CYFIP2: variants seen among roughly 807,000 people sequenced by gnomAD.
The protein encoded by CYFIP2 is cytoplasmic FMR1 interacting protein 2, also known as cytoplasmic FMR1-interacting protein 2.
Under a neutral mutation model 158.7 loss-of-function variants are expected in CYFIP2, and 29 were observed. That is an observed-to-expected ratio of 0.18 (90% CI 0.14 to 0.25). The LOEUF (loss-of-function observed/expected upper bound fraction) is 0.25. CYFIP2 is among the 10% of genes least tolerant of loss of function. CYFIP2 has a pLI of 1.00. For synonymous variants in CYFIP2, 585 were observed against 617.6 expected, an observed-to-expected ratio of 0.95 and a Z score of 0.78; for missense variants, 852 against 1,639.5, an observed-to-expected ratio of 0.52 and a Z score of 8.29.
At chr5:157,308,739 C>A (rs935271886) in intron 9 of CYFIP2, among the ~76,000 whole-genome samples, 1 of 152,134 alleles carries the variant, frequency 6.6e-6, no homozygotes, top group Non-Finnish European at 1.5e-5. Context: ...AAGGGTGGAA[C>A]TTTTACTTTT....
intron 15 of CYFIP2, chr5:157,323,123 C>A: frequency 1.9e-6 from 2 of 1,063,056 alleles, no homozygotes; most frequent in South Asian, 1.4e-5. Flanking sequence ...GATTCACAGA[C>A]AAATGATGTG....
At position 157,394,227 on chromosome 5, in the gene CYFIP2, C is replaced by T. The variant is rs1490459783; in HGVS notation, c.*1227C>T. ...TCTAGACTGAACCAAAAGTCTTCTG[C>T]AGAATCTCCCACCGAGTGTGGTAAG... On this transcript the variant is annotated 3_prime_UTR_variant, in exon 31 of 31. Transcript: ENST00000620254. 2.6e-5 allele frequency: 4 copies of T among 152,106 alleles called. No individual in the cohort carries two copies. The highest frequency in any genetic ancestry group is 9.7e-5 in the African/African-American group (4 of 41,402). 9.4% of individuals were successfully genotyped at this position (152,106 alleles called of 1,614,324 possible).
At chr5:157,274,050 G>C (rs753096671) in intron 1 of CYFIP2, among the ~76,000 whole-genome samples, 2 of 149,642 alleles carry the variant, frequency 1.3e-5, no homozygotes, top group African/African-American at 5.0e-5. Flanking sequence ...CAGGAGAATC[G>C]TTTGAACCCG....
chr5:157,334,231 G>A (rs922497014), intron 21 of CYFIP2, among the ~76,000 whole-genome samples: 1 of 152,198 alleles, frequency 6.6e-6, no homozygotes, highest in Admixed American at 6.5e-5. Flanking sequence ...CAAATTCATG[G>A]AGACATAGGG....
Position 157,311,191 on chromosome 5 carries a change from T to C in CYFIP2, c.993-473T>C. On this transcript the variant is annotated intron_variant, in intron 10 of 30. Transcript: ENST00000620254. The surrounding 1 kb of genome is among the most constrained non-coding windows in gnomAD (Gnocchi z 4.7). ...GTGTGCTTCCATGTTGCCAGGGCACTGTTGGAAAAGAGGCACAGTCACATT... is the reference window on the plus strand; with the variant it reads ...GTGTGCTTCCATGTTGCCAGGGCACCGTTGGAAAAGAGGCACAGTCACATT... The C allele has an allele frequency of 2.3e-6, 1 of 427,488 alleles. No individual in the cohort carries two copies. Among genetic ancestry groups the C allele is most frequent in the Admixed American group, 2.6e-5 (1 of 37,814 alleles). 26.5% of individuals were successfully genotyped at this position (427,488 alleles called of 1,614,324 possible). A position where few individuals can be genotyped will look rare whatever the true frequency, so the allele number is the denominator to read the frequency against.
At chr5:157,389,848 G>T (rs1767091720) in intron 29 of CYFIP2, among the ~76,000 whole-genome samples, 2 of 152,234 alleles carry the variant, frequency 1.3e-5, no homozygotes, top group Admixed American at 1.3e-4. Flanking sequence ...AGCTGTTTCA[G>T]AGCAGCGCTA....
chr5:157,357,676 A>G (rs989293245), intron 23 of CYFIP2, among the ~76,000 whole-genome samples: 4 of 152,058 alleles, frequency 2.6e-5, no homozygotes, highest in African/African-American at 9.7e-5. Context: ...TAAAAATACA[A>G]AAAAATTAGC....
rs369611074 is a variant in CYFIP2 at position 157,389,375 on chromosome 5, G to A, written c.3394G>A (p.Ala1132Thr). Residue 1132 changes from alanine to threonine, a missense_variant, in exon 29 of 31, where the codon GCC (alanine) becomes ACC (threonine). This residue lies in a region of CYFIP2 where 223 missense variants were observed against 381.6 expected (regional missense o/e 0.58). Transcript: ENST00000620254. Reference sequence around the variant, plus strand: ...TGTGGAGTTCCACCGGCTGTGGAGCGCCATGCAGTTCGTGTACTGCATCCC... The same window carrying A: ...TGTGGAGTTCCACCGGCTGTGGAGCACCATGCAGTTCGTGTACTGCATCCC... ...ECVEFHRLWS[A>T]MQFVYCIPVG... 1.4e-5 allele frequency: 22 copies of A among 1,612,930 alleles called. No individual in the cohort carries two copies. Among genetic ancestry groups the A allele is most frequent in the Admixed American group, 3.3e-5 (2 of 59,936 alleles).
intron 28 of CYFIP2, 148 bp from the exon 29 acceptor site, chr5:157,389,041 A>G: frequency 1.6e-6 from 1 of 628,430 alleles, no homozygotes; most frequent in East Asian, 3.1e-5. Context: ...ATTCAGGATC[A>G]TCAATTTTGT....
rs190781883 is a variant in CYFIP2 at position 157,367,679 on chromosome 5, C to G, written c.3039+6081C>G. On this transcript the variant is annotated intron_variant, in intron 26 of 30. Coordinates refer to ENST00000620254, the MANE Select transcript of CYFIP2 (RefSeq NM_001037333.3). ...TTTTATTACATAATTGAAATAAATTCATTGATTGAAAACTCAGAGAAGCAG... is the reference window on the plus strand; with the variant it reads ...TTTTATTACATAATTGAAATAAATTGATTGATTGAAAACTCAGAGAAGCAG... 2.0e-3 allele frequency among the ~76,000 whole-genome samples: 298 copies of G among 149,562 alleles called. 7 individuals are homozygous for G. The highest frequency in any genetic ancestry group is 0.018 in the Admixed American group (275 of 15,026).
chr5:157,364,723 A>G (rs1764205684), intron 26 of CYFIP2: 1 of 152,170 alleles, frequency 6.6e-6, no homozygotes, highest in South Asian at 2.1e-4. Flanking sequence ...GCTTTCTGAG[A>G]TTAGAATGAG....
chr5:157,323,308 G>T (rs1181671838), intron 15 of CYFIP2, among the ~76,000 whole-genome samples: 1 of 152,190 alleles, frequency 6.6e-6, no homozygotes, highest in Non-Finnish European at 1.5e-5. Context: ...CCACCAAGGG[G>T]GCGCCATCGC....
chr5:157,373,038 G>A (rs1177636902), intron 26 of CYFIP2, among the ~76,000 whole-genome samples: 2 of 152,184 alleles, frequency 1.3e-5, no homozygotes, highest in African/African-American at 4.8e-5. Context: ...AACATTAACA[G>A]CAAAGGGGTC....
rs1767470646 is a variant in CYFIP2 at position 157,393,132 on chromosome 5, A to G, written c.*132A>G. ...TGGAAACAAGCACCTCCCCAAACAC[A>G]TCACCACTCCCTAGGGCGGGGCCTG... On this transcript the variant is annotated 3_prime_UTR_variant, in exon 31 of 31. Transcript: ENST00000620254. 4 of 971,674 alleles carry G rather than the reference A, an allele frequency of 4.1e-6. No individual in the cohort carries two copies. Among genetic ancestry groups the G allele is most frequent in the Non-Finnish European group, 6.0e-6 (4 of 669,086 alleles). The allele number at this position is 971,674 out of a possible 1,614,324, so 60.2% of individuals were successfully genotyped here.
intron 1 of CYFIP2, among the ~76,000 whole-genome samples, chr5:157,279,156 T>C (rs1357836410): frequency 1.3e-5 from 2 of 152,266 alleles, no homozygotes; most frequent in African/African-American, 4.8e-5. Context: ...GTATTCTACA[T>C]GCTGTAGTTA....
chr5:157,307,709 C>T (rs1759365262), intron 8 of CYFIP2, 52 bp from the exon 9 acceptor site: 1 of 1,168,056 alleles, frequency 8.6e-7, no homozygotes, highest in Non-Finnish European at 1.2e-6. Flanking sequence ...TGTTTTTAAA[C>T]TTTTCCAGCA....
chr5:157,339,060 C>G lies in CYFIP2; in HGVS notation c.2389C>G (p.Leu797Val), dbSNP rs772497690. 1.6e-5 allele frequency: 26 copies of G among 1,609,116 alleles called. No homozygotes were observed. Among genetic ancestry groups the G allele is most frequent in the Non-Finnish European group, 2.0e-5 (23 of 1,177,834 alleles). Residue 797 changes from leucine (L) to valine (V), a missense_variant, in exon 22 of 31, where the codon CTG becomes GTG. Physicochemically the swap from Leu to Val is conservative, Grantham distance 32. This residue lies in a region of CYFIP2 where 191 missense variants were observed against 311.2 expected (regional missense o/e 0.61). Transcript: ENST00000620254. The stretch of plus-strand genomic sequence containing the variant: ...TGTGGGCTCTCTCTCTGTACAGGAG[C>G]TGGAGTGGCTGCTGGAGATTAACCG... ...ESEDLTSIVE[L>V]EWLLEINRLT...
chr5:157,385,721 C>T (rs1344564480), intron 28 of CYFIP2, among the ~76,000 whole-genome samples: 1 of 151,788 alleles, frequency 6.6e-6, no homozygotes, highest in African/African-American at 2.4e-5. Flanking sequence ...TTCTTGTTAT[C>T]ACGAGCAAAT....
intron 29 of CYFIP2, among the ~76,000 whole-genome samples, chr5:157,389,924 G>T (rs73307974): frequency 0.02 from 3,078 of 152,324 alleles, 139 homozygotes; most frequent in African/African-American, 0.07. Context: ...GCTGCTGCTT[G>T]AGGACAAAAG....
Sources: allele counts gnomAD v4.1 joint callset (sites outside exome capture counted in the v4.1 genomes callset), GRCh38; gene constraint gnomAD v4.1.1; regional missense constraint gnomAD v4.1.1; non-coding constraint Gnocchi (gnomAD v3.1); transcripts MANE v1.5; gene names NCBI Gene and HGNC (gene_info 2026-07-23, HGNC 2026-07-21).